TSC2: variants seen among roughly 807,000 people sequenced by gnomAD.
TSC2 encodes the protein TSC complex subunit 2, also known as tuberin.
A neutral mutation model predicts 202.2 loss-of-function variants in TSC2; 29 were observed. That is an observed-to-expected ratio of 0.14 (90% CI 0.11 to 0.20). The LOEUF (loss-of-function observed/expected upper bound fraction) is 0.20. Among genes scored for constraint, TSC2 ranks in the 10% least tolerant of loss-of-function variants. The pLI, the probability that TSC2 is intolerant of heterozygous loss-of-function variation, is 1.00. For synonymous variants in TSC2, 1,349 were observed against 1,044.0 expected, an observed-to-expected ratio of 1.29 and a Z score of -5.63; for missense variants, 2,429 against 2,420.0, an observed-to-expected ratio of 1.00 and a Z score of -0.08.
At chr16:2,057,466 C>T (rs1214885685) in intron 9 of TSC2, among the ~76,000 whole-genome samples, 2 of 152,252 alleles carry the variant, frequency 1.3e-5, no homozygotes, top group African/African-American at 2.4e-5. Flanking sequence ...AGGCGAGGCT[C>T]GGGGTCTTGG....
At chr16:2,062,899 G>T in intron 13 of TSC2, 73 bp from the exon 14 acceptor site, 1 of 1,509,824 alleles carries the variant, frequency 6.6e-7, no homozygotes, top group Non-Finnish European at 8.9e-7. Context: ...GCTGGCCTGC[G>T]CCAGGCAGAC....
chr16:2,080,133 G>A (rs780327061), intron 29 of TSC2, 32 bp from the exon 30 acceptor site: 91 of 1,612,026 alleles, frequency 5.6e-5, no homozygotes, highest in Non-Finnish European at 7.2e-5. Context: ...TCAGGTAAGT[G>A]GTGGTCACCA....
At chr16:2,086,701 C>T in intron 37 of TSC2, 31 bp from the exon 38 acceptor site, 2 of 1,606,616 alleles carry the variant, frequency 1.2e-6, no homozygotes, top group Non-Finnish European at 1.7e-6. Flanking sequence ...GCACTGGCCC[C>T]ACAAACCCAT....
intron 22 of TSC2, 155 bp downstream of exon 22, chr16:2,074,544 G>GGC: frequency 1.1e-6 from 1 of 915,686 alleles, no homozygotes; most frequent in Non-Finnish European, 1.7e-6. Context: ...CGGCTGCCAT[G>GGC]AGTGCTCTCC....
chr16:2,056,793 G>A (rs397515312), intron 8 of TSC2, 24 bp downstream of exon 8: 95 of 1,604,030 alleles, frequency 5.9e-5, no homozygotes, highest in Non-Finnish European at 7.6e-5. Context: ...AACTGCTCTG[G>A]AAGGTTCCTG....
rs764626623 is a variant in TSC2, at chr16:2,058,737, A to AC, written c.849-9dup. On this transcript the variant is annotated splice_polypyrimidine_tract_variant and intron_variant, in intron 9 of 41. Coordinates refer to ENST00000219476, the MANE Select transcript of TSC2 (RefSeq NM_000548.5). ...TGCTCACATTCCGTCTCTCTGGGGA[A>AC]CACTTTTAGAGCCTACATGGAGGAC... The AC allele has an allele frequency of 9.5e-6, 15 of 1,575,338 alleles. No homozygotes were observed. The highest frequency in any genetic ancestry group is 1.0e-5 in the Non-Finnish European group (12 of 1,160,404).
In TSC2 at chr16:2,064,338, G is replaced by A. The variant is rs768707639; in HGVS notation, c.1510G>A (p.Val504Ile). The change falls in exon 15 of 42, where the codon GTC (valine) becomes ATC (isoleucine). Residue 504 changes from valine to isoleucine, a missense_variant. Transcript: ENST00000219476. ...SHIPEDKDHQVRKLATQLLVD... is the reference protein window; with the variant it reads ...SHIPEDKDHQIRKLATQLLVD... ...CATCCCCGAGGATAAAGACCACCAG[G>A]TCCGAAAGCTGGCCACCCAGTTGCT... The A allele has an allele frequency of 6.2e-7, 1 of 1,613,852 alleles. No individual in the cohort carries two copies. The highest frequency in any genetic ancestry group is 8.5e-7 in the Non-Finnish European group (1 of 1,180,034).
Position 2,088,899 on chromosome 16 carries a change from AGT to A in TSC2, c.*290_*291del. On this transcript the variant is annotated 3_prime_UTR_variant, in exon 42 of 42. Coordinates refer to ENST00000219476, the MANE Select transcript of TSC2 (RefSeq NM_000548.5). ...CGCGCGCGCACACACACACACACAC[AGT>A]CACCTTCCTCCACCCTGGGAGCCAG... is the stretch of plus-strand genomic sequence containing the variant. The A allele has an allele frequency of 3.3e-5, 14 of 420,722 alleles. No homozygotes were observed. The highest frequency in any genetic ancestry group is 6.0e-5 in the African/African-American group (3 of 49,606). 26.1% of individuals were successfully genotyped at this position (420,722 alleles called of 1,614,324 possible). A position where few individuals can be genotyped will look rare whatever the true frequency, so the allele number is the denominator to read the frequency against.
chr16:2,084,165 C>T (rs758878697), intron 33 of TSC2, 63 bp from the exon 34 acceptor site: 13 of 1,550,132 alleles, frequency 8.4e-6, no homozygotes, highest in Non-Finnish European at 1.0e-5. Context: ...ACCTCCAGGT[C>T]AACCCCAGGT....
At chr16:2,068,355 T>C (rs1267436089) in intron 16 of TSC2, among the ~76,000 whole-genome samples, 1 of 152,158 alleles carries the variant, frequency 6.6e-6, no homozygotes. Context: ...TCATTTCTTT[T>C]GTTATAATTG....
intron 31 of TSC2, 37 bp downstream of exon 31, chr16:2,081,835 C>T (rs775629548): frequency 9.3e-6 from 15 of 1,606,516 alleles, no homozygotes; most frequent in Non-Finnish European, 1.3e-5. Context: ...GGGCTCTGCT[C>T]CCACTGGCCT....
At chr16:2,076,405 C>A in intron 24 of TSC2, 86 bp from the exon 25 acceptor site, 2 of 1,596,488 alleles carry the variant, frequency 1.3e-6, no homozygotes, top group Non-Finnish European at 1.7e-6. Context: ...CAGCTTGTCC[C>A]TGGCCAGGGG....
intron 36 of TSC2, 148 bp from the exon 37 acceptor site, chr16:2,086,045 G>A (rs1375604310): frequency 2.2e-6 from 2 of 913,520 alleles, no homozygotes; most frequent in Non-Finnish European, 3.4e-6. Context: ...CCCGATGTCT[G>A]GCCTGGGTGG....
rs753060862 is a variant in TSC2, at chr16:2,085,273, C to A, written c.4613C>A (p.Pro1538Gln). Reference sequence around the variant, plus strand: ...TCGGTGCAGCTCCTCGACCAGATCCCATCATACGACACCCACAAGATCGCC... The same window carrying A: ...TCGGTGCAGCTCCTCGACCAGATCCAATCATACGACACCCACAAGATCGCC... ...ERSVQLLDQI[P>Q]SYDTHKIAVL... Residue 1538 changes from proline (P) to glutamine (Q), a missense_variant, in exon 36 of 42, where the codon CCA (proline) becomes CAA (glutamine). By Grantham distance (76) the Pro-to-Gln change is moderately conservative (BLOSUM62 -1). Transcript: ENST00000219476. The A allele has an allele frequency of 1.2e-6, 2 of 1,612,758 alleles. No homozygotes were observed. The highest frequency in any genetic ancestry group is 1.7e-5 in the Admixed American group (1 of 60,034).
At position 2,060,743 on chromosome 16, in the gene TSC2, G is replaced by A. The variant is rs1567423240; in HGVS notation, c.1049G>A (p.Arg350Lys). ...ATCACCAGGCTCATCAAGAAGTATA[G>A]GAAGGAGCTCCAGGTGGTGGCGTGG... ...LSITRLIKKY[R>K]KELQVVAWDI... Residue 350 changes from arginine (R) to lysine (K), a missense_variant, in exon 11 of 42, where the codon AGG (arginine) becomes AAG (lysine). Arg to Lys is a conservative substitution (Grantham distance 26). Coordinates refer to ENST00000219476, the MANE Select transcript of TSC2 (RefSeq NM_000548.5). The A allele has an allele frequency of 6.2e-7, 1 of 1,614,146 alleles. No individual in the cohort carries two copies.
In TSC2 at chr16:2,055,382, T is replaced by A. The variant is rs548831116; in HGVS notation, c.482-20T>A. 232 of 1,606,008 alleles carry A rather than the reference T, an allele frequency of 1.4e-4. 4 individuals are homozygous for A. In the South Asian group the frequency reaches 2.5e-3, roughly 17 times the overall value. On this transcript the variant is annotated intron_variant, in intron 5 of 41. Coordinates refer to ENST00000219476, the MANE Select transcript of TSC2 (RefSeq NM_000548.5). ...ATGTAGATTCGGCGTCCTCGCAAAC[T>A]GCCGCCGCTTCTCCCCCAGCTGACT... is the stretch of plus-strand genomic sequence containing the variant.
chr16:2,061,568 TTGGGGGG>T, intron 11 of TSC2: 1 of 461,094 alleles, frequency 2.2e-6, no homozygotes, highest in Non-Finnish European at 4.0e-6. Flanking sequence ...CCAAGATTCC[TTGGGGGG>T]TGGGGTACGG....
intron 38 of TSC2, 165 bp downstream of exon 38, chr16:2,087,036 G>A: frequency 2.8e-6 from 3 of 1,054,700 alleles, no homozygotes; most frequent in East Asian, 2.6e-5. Context: ...AGCCTGCGTT[G>A]TGTCCTCTGT....
At chr16:2,072,100 G>C (rs564277534) in intron 19 of TSC2, 141 bp from the exon 20 acceptor site, 1 of 1,525,834 alleles carries the variant, frequency 6.6e-7, no homozygotes, top group South Asian at 1.2e-5. Context: ...AGAGGCCTGC[G>C]CTGGGCAGGC....
Sources: gnomAD v4.1 joint callset for allele counts (sites outside exome capture counted in the v4.1 genomes callset) on GRCh38, gnomAD v4.1.1 for gene constraint, MANE v1.5 for transcripts, NCBI Gene and HGNC (gene_info 2026-07-23, HGNC 2026-07-21) for gene names.